The following SGCD variants were observed in gnomAD, a reference collection of about 807,000 sequenced individuals.
The protein encoded by SGCD is delta-sarcoglycan.
A neutral mutation model predicts 36.6 loss-of-function variants in SGCD; 18 were observed. The observed-to-expected ratio is 0.49, with a 90% CI of 0.34 to 0.73. The LOEUF (loss-of-function observed/expected upper bound fraction) is 0.73. Ranked by LOEUF, SGCD falls within the 30% of genes least tolerant of loss-of-function variation. The pLI, the probability that SGCD is intolerant of heterozygous loss-of-function variation, is 0.01. For synonymous variants in SGCD, 133 were observed against 130.6 expected (o/e 1.02, Z -0.12); for missense variants, 387 against 346.7 (o/e 1.12, Z -0.92).
the SGCD span, among the ~76,000 whole-genome samples, chr5:155,806,498 G>C: frequency 6.6e-6 from 1 of 152,192 alleles, no homozygotes; most frequent in Non-Finnish European, 1.5e-5. Context: ...TTAGAGTGAT[G>C]TTATGTGTAG....
intron 3 of SGCD, among the ~76,000 whole-genome samples, chr5:156,490,498 A>G (rs1051057078): frequency 2.6e-5 from 4 of 151,956 alleles, no homozygotes; most frequent in African/African-American, 9.7e-5. Flanking sequence ...AAAAAAAAAA[A>G]AATACACATA....
chr5:156,283,059 C>T (rs576181694), intron 3 of SGCD, among the ~76,000 whole-genome samples: 58 of 152,168 alleles, frequency 3.8e-4, no homozygotes, highest in Non-Finnish European at 6.3e-4. Flanking sequence ...CTTTTTAGTA[C>T]GTCTAATAAA....
intron 6 of SGCD, among the ~76,000 whole-genome samples, chr5:156,608,709 T>A (rs1224571245): frequency 6.6e-6 from 1 of 152,238 alleles, no homozygotes; most frequent in Non-Finnish European, 1.5e-5. Flanking sequence ...AAGGACTTGC[T>A]TTATGAATCT....
the SGCD span, among the ~76,000 whole-genome samples, chr5:155,808,771 TGATA>T: frequency 2.0e-5 from 3 of 152,174 alleles, no homozygotes; most frequent in Non-Finnish European, 2.9e-5. Context: ...ATGATGATGA[TGATA>T]GAAAAATTTA....
chr5:156,487,813 A>AAAAAAAAAAAAAAAAGAAAG (rs1554107842), intron 3 of SGCD, among the ~76,000 whole-genome samples: 11 of 77,796 alleles, frequency 1.4e-4, no homozygotes, highest in Non-Finnish European at 2.0e-4. Context: ...AAAAAAAAAA[A>AAAAAAAAAAAAAAAAGAAAG]AAAGAAAGAA....
At chr5:156,079,552 A>G (rs1760892918) in intron 1 of SGCD, among the ~76,000 whole-genome samples, 1 of 152,226 alleles carries the variant, frequency 6.6e-6, no homozygotes, top group Non-Finnish European at 1.5e-5. Context: ...CAATGAGGGT[A>G]AAGACATTGG....
At chr5:155,974,454 A>G (rs957059209) in intron 1 of SGCD, among the ~76,000 whole-genome samples, 3 of 152,040 alleles carry the variant, frequency 2.0e-5, no homozygotes, top group African/African-American at 7.2e-5. Flanking sequence ...TCATGAGCCA[A>G]CTAGATGTCC....
In SGCD at chr5:156,516,226, C is replaced by CCA. The variant is rs556578616; in HGVS notation, c.294+7534_294+7535dup. ...ATGCCTCCTGACTAGGTGAGACCCC[C>CCA]CACACACACACCCCCAATAGGGGTT... On this transcript the variant is annotated intron_variant, in intron 4 of 8. Coordinates refer to ENST00000337851, the MANE Select transcript of SGCD (RefSeq NM_000337.6). Among the ~76,000 whole-genome samples the CCA allele has an allele frequency of 3.3e-4, 50 of 152,264 alleles. 1 individual carries two copies. The South Asian group carries it at 3.5e-3, about 11-fold the overall frequency.
At chr5:155,847,507 T>C in the SGCD span, among the ~76,000 whole-genome samples, 1 of 152,190 alleles carries the variant, frequency 6.6e-6, no homozygotes, top group Non-Finnish European at 1.5e-5. Context: ...TTTCCCCTTT[T>C]CTATACTCTG....
intron 1 of SGCD, among the ~76,000 whole-genome samples, chr5:156,026,907 T>C (rs1437000101): frequency 2.6e-5 from 4 of 152,174 alleles, no homozygotes; most frequent in African/African-American, 4.8e-5. Flanking sequence ...TCTGTCATTG[T>C]AGTACAAAAA....
At chr5:156,090,691 G>A (rs373832780) in intron 1 of SGCD, among the ~76,000 whole-genome samples, 1 of 152,284 alleles carries the variant, frequency 6.6e-6, no homozygotes, top group East Asian at 1.9e-4. Context: ...GTAAGCCTGA[G>A]GGCACTGCAG....
At position 156,282,920 on chromosome 5, in the gene SGCD, T is replaced by C. The variant is rs552984790; in HGVS notation, c.-43-46614T>C. ...TGATCCAACTGGTAAATATCTTAAG[T>C]AAAGAAAACGCATTTTTGATGATTT... On this transcript the variant is annotated intron_variant, in intron 3 of 9. Transcript: ENST00000517913. Among the ~76,000 whole-genome samples, 16 of 152,278 alleles carry C rather than the reference T, an allele frequency of 1.1e-4. 1 individual carries two copies. The highest frequency in any genetic ancestry group is 1.9e-4 in the Non-Finnish European group (13 of 68,026).
At chr5:156,629,133 T>C (rs1325996178) in intron 6 of SGCD, among the ~76,000 whole-genome samples, 1 of 152,146 alleles carries the variant, frequency 6.6e-6, no homozygotes. Context: ...AATAAAATAG[T>C]ATAGGTAAAG....
chr5:155,964,788 G>T (rs1757870119), intron 1 of SGCD, among the ~76,000 whole-genome samples: 1 of 152,102 alleles, frequency 6.6e-6, no homozygotes, highest in Non-Finnish European at 1.5e-5. Context: ...ACCCTACATT[G>T]TGTGGTGAGA....
At chr5:156,262,810 C>T (rs545644657) in intron 3 of SGCD, among the ~76,000 whole-genome samples, 4 of 152,154 alleles carry the variant, frequency 2.6e-5, no homozygotes, top group Admixed American at 1.3e-4. Flanking sequence ...TCCTGAGTTA[C>T]TTCACTTAGA....
chr5:156,445,351 G>A (rs1038114260), intron 3 of SGCD, among the ~76,000 whole-genome samples: 2 of 152,052 alleles, frequency 1.3e-5, no homozygotes, highest in Admixed American at 6.6e-5. Context: ...TATCTGCCTG[G>A]TAAAATGAGA....
the SGCD span, among the ~76,000 whole-genome samples, chr5:155,825,946 CA>C: frequency 2.0e-5 from 3 of 152,142 alleles, no homozygotes; most frequent in African/African-American, 7.2e-5. Context: ...ATGGGGGTTT[CA>C]CCATGTTGGC....
intron 1 of SGCD, among the ~76,000 whole-genome samples, chr5:155,887,536 T>C (rs1024543434): frequency 6.6e-6 from 1 of 152,188 alleles, no homozygotes; most frequent in African/African-American, 2.4e-5. Flanking sequence ...CTGTGTTTCT[T>C]TATTTCTTAG....
At chr5:155,997,980 A>T (rs940792419) in intron 1 of SGCD, among the ~76,000 whole-genome samples, 1 of 152,224 alleles carries the variant, frequency 6.6e-6, no homozygotes, top group Non-Finnish European at 1.5e-5. Flanking sequence ...GATTATTTTA[A>T]ATTGTGAATC....
Sources: gnomAD v4.1 joint callset for allele counts (sites outside exome capture counted in the v4.1 genomes callset) on GRCh38, gnomAD v4.1.1 for gene constraint, MANE v1.5 for transcripts, NCBI Gene and HGNC (gene_info 2026-07-23, HGNC 2026-07-21) for gene names.